The following SLC26A11 variants were observed in gnomAD, a reference collection of about 807,000 sequenced individuals.
SLC26A11 encodes the protein sodium-independent sulfate anion transporter.
Under a neutral mutation model 62.2 loss-of-function variants are expected in SLC26A11, and 58 were observed. The ratio of observed to expected loss-of-function variants is 0.93; its 90% CI spans 0.76 to 1.16. The LOEUF (loss-of-function observed/expected upper bound fraction) is 1.16, where lower values mean the gene tolerates loss of function less well. Among genes scored for constraint, SLC26A11 ranks in the 50% most tolerant of loss-of-function variants. The probability of loss-of-function intolerance (pLI) is 0.00; values close to 1 mark genes in which losing one functional copy is unlikely to be tolerated. For missense variants in SLC26A11, 790 were observed against 794.3 expected, an observed-to-expected ratio of 0.99 and a Z score of 0.06; for synonymous variants, 411 against 368.9, an observed-to-expected ratio of 1.11 and a Z score of -1.31.
At chr17:80,245,319 CAAG>C (rs2042966166) in intron 11 of SLC26A11, 63 bp downstream of exon 11, 1 of 1,556,510 alleles carries the variant, frequency 6.4e-7, no homozygotes, top group Non-Finnish European at 8.9e-7. Context: ...GTTACGCTGA[CAAG>C]GAGTCTGCCT....
rs745943087 is a variant in SLC26A11, at chr17:80,246,189, C to T, written c.1133C>T (p.Pro378Leu). The stretch of plus-strand genomic sequence containing the variant: ...AACGCTCAGTCGGGGGTGTGCACCC[C>T]GGCGGGGGGCCTGGTGACGGGTAAG... ...AVNAQSGVCT[P>L]AGGLVTGVLV... is the part of the protein sequence containing the mutation. The change falls in exon 12 of 18, where the codon CCG (proline) becomes CTG (leucine). Residue 378 changes from proline to leucine, a missense_variant. By Grantham distance (98) the Pro-to-Leu change is moderately conservative (BLOSUM62 -3). Transcript: ENST00000361193. The surrounding 1 kb of genome is among the most constrained non-coding windows in gnomAD (Gnocchi z 4.4). 5.5e-5 allele frequency: 89 copies of T among 1,612,314 alleles called. No homozygotes were observed. Among genetic ancestry groups the T allele is most frequent in the Non-Finnish European group, 6.9e-5 (81 of 1,179,724 alleles).
In SLC26A11 at chr17:80,222,889, A is replaced by G. The variant is rs1284330138; in HGVS notation, c.427+42A>G. The G allele has an allele frequency of 5.0e-6, 8 of 1,593,324 alleles. No homozygotes were observed. The highest frequency in any genetic ancestry group is 1.4e-5 in the African/African-American group (1 of 73,620). On this transcript the variant is annotated intron_variant, in intron 4 of 17. Transcript: ENST00000361193. This position sits in a 1 kb window ranked among gnomAD's most constrained non-coding sequence, Gnocchi z 4.7. ...TTGCCAAGGGGATGCCCTCGACCTC[A>G]GCATTTGCTTGTTTGCATTTCAAGT...
Position 80,228,763 on chromosome 17 carries a change from C to T in SLC26A11, c.736+803C>T, listed in dbSNP as rs180707215. 6.2e-4 allele frequency among the ~76,000 whole-genome samples: 94 copies of T among 152,314 alleles called. No homozygotes were observed. Among genetic ancestry groups the T allele is most frequent in the African/African-American group, 2.2e-3 (92 of 41,570 alleles). On this transcript the variant is annotated intron_variant, in intron 7 of 17. Coordinates refer to ENST00000361193, the MANE Select transcript of SLC26A11 (RefSeq NM_001166347.2). The surrounding 1 kb of genome is among the most constrained non-coding windows in gnomAD (Gnocchi z 4.1). ...GGTCCTGGGGAGACAGAACAAATTC[C>T]GGGGAGACCAACAGGCTCTGTTTGA...
intron 16 of SLC26A11, among the ~76,000 whole-genome samples, chr17:80,250,496 T>G (rs2043127254): frequency 1.3e-5 from 2 of 152,172 alleles, no homozygotes; most frequent in African/African-American, 4.8e-5. Context: ...TGTGTCATAT[T>G]TGCAGAGCAC....
intron 6 of SLC26A11, 129 bp from the exon 7 acceptor site, chr17:80,227,689 C>A (rs2042448032): frequency 7.5e-7 from 1 of 1,325,542 alleles, no homozygotes; most frequent in Non-Finnish European, 1.0e-6. Flanking sequence ...GGTCTGGGAC[C>A]AGCAGCCTGG....
chr17:80,225,758 G>A (rs936695402), intron 5 of SLC26A11, 79 bp from the exon 6 acceptor site: 1 of 1,252,864 alleles, frequency 8.0e-7, no homozygotes, highest in Non-Finnish European at 1.2e-6. Context: ...CAGCCCTAGG[G>A]GAGGTGGGCG....
chr17:80,245,560 T>G (rs2042972428), intron 11 of SLC26A11, among the ~76,000 whole-genome samples: 2 of 152,052 alleles, frequency 1.3e-5, no homozygotes, highest in Non-Finnish European at 2.9e-5. Context: ...GAGGCTGCAG[T>G]GAGTTGTGAC....
At chr17:80,236,671 G>A (rs1332316450) in intron 7 of SLC26A11, 1 of 442,754 alleles carries the variant, frequency 2.3e-6, no homozygotes, top group South Asian at 4.5e-5. Flanking sequence ...CGCGGTGCAC[G>A]ATGTCCAGTC....
chr17:80,234,905 A>C (rs1327943588), intron 7 of SLC26A11, among the ~76,000 whole-genome samples: 1 of 150,012 alleles, frequency 6.7e-6, no homozygotes, highest in Non-Finnish European at 1.5e-5. Context: ...GCTGGAGTGC[A>C]ATGGCGCGGT....
chr17:80,229,783 C>T (rs1387285280), intron 7 of SLC26A11, among the ~76,000 whole-genome samples: 2 of 152,196 alleles, frequency 1.3e-5, no homozygotes, highest in Non-Finnish European at 2.9e-5. Flanking sequence ...GGACCAGCAG[C>T]CTGGGCACTG....
chr17:80,240,521 G>A (rs1403507321), intron 9 of SLC26A11, among the ~76,000 whole-genome samples: 1 of 151,572 alleles, frequency 6.6e-6, no homozygotes, highest in Non-Finnish European at 1.5e-5. Flanking sequence ...TGTTTTTCTC[G>A]GCCGGGTGCA....
chr17:80,222,467 C>T lies in SLC26A11; in HGVS notation c.235-188C>T. On this transcript the variant is annotated intron_variant, in intron 3 of 17. Coordinates refer to ENST00000361193, the MANE Select transcript of SLC26A11 (RefSeq NM_001166347.2). This position sits in a 1 kb window ranked among gnomAD's most constrained non-coding sequence, Gnocchi z 4.7. ...GCCTGGCTGTCTGCACCCTGAGGCC[C>T]CAGTTGAGTGCTGCTAAAAAAGTGG... 1.7e-6 allele frequency: 1 copy of T among 601,050 alleles called. No homozygotes were observed. 37.2% of individuals were successfully genotyped at this position (601,050 alleles called of 1,614,324 possible). A position where few individuals can be genotyped will look rare whatever the true frequency, so the allele number is the denominator to read the frequency against.
intron 7 of SLC26A11, among the ~76,000 whole-genome samples, chr17:80,230,458 C>T (rs1036185331): frequency 1.3e-5 from 2 of 152,082 alleles, no homozygotes; most frequent in Admixed American, 6.6e-5. Context: ...CAGCCTTTAT[C>T]GAGATTTTCT....
chr17:80,223,224 A>G lies in SLC26A11; in HGVS notation c.428-28A>G. ...TCTGGGACTGGGTGGAGCCGGGACC[A>G]GCTCGATGTCCCCTCTTGGCTGGCC... On this transcript the variant is annotated intron_variant, in intron 4 of 17. Transcript: ENST00000361193. This position sits in a 1 kb window ranked among gnomAD's most constrained non-coding sequence, Gnocchi z 4.6. The G allele has an allele frequency of 6.2e-7, 1 of 1,602,438 alleles. No homozygotes were observed. The highest frequency in any genetic ancestry group is 8.6e-7 in the Non-Finnish European group (1 of 1,169,536).
chr17:80,249,035 C>T lies in SLC26A11; in HGVS notation c.1523-119C>T, dbSNP rs182015771. The T allele has an allele frequency of 1.5e-4, 195 of 1,293,876 alleles. 1 individual carries two copies. In the East Asian group the frequency reaches 2.7e-3, roughly 18 times the overall value. 80.1% of individuals were successfully genotyped at this position (1,293,876 alleles called of 1,614,324 possible). Reference sequence around the variant, plus strand: ...CCCCAACTGGGCGACTCAGCCGCCACGAGATGGAGCACTCTGGCCTCTCTG... The same window carrying T: ...CCCCAACTGGGCGACTCAGCCGCCATGAGATGGAGCACTCTGGCCTCTCTG... On this transcript the variant is annotated intron_variant, in intron 15 of 17. Coordinates refer to ENST00000361193, the MANE Select transcript of SLC26A11 (RefSeq NM_001166347.2).
intron 13 of SLC26A11, among the ~76,000 whole-genome samples, chr17:80,247,483 T>C (rs1273629550): frequency 6.6e-6 from 1 of 152,222 alleles, no homozygotes; most frequent in Non-Finnish European, 1.5e-5. Context: ...CATTTTGTTT[T>C]GTTTGTGGAA....
At position 80,228,453 on chromosome 17, in the gene SLC26A11, C is replaced by T. The variant is rs1056234816; in HGVS notation, c.736+493C>T. ...GACCCAAACTCTAGAACATTTAAAA[C>T]TCTGAGCCAAACTCGGTGGGTTCTG... On this transcript the variant is annotated intron_variant, in intron 7 of 17. Transcript: ENST00000361193. The surrounding 1 kb of genome is among the most constrained non-coding windows in gnomAD (Gnocchi z 4.1). Among the ~76,000 whole-genome samples, 2 of 152,216 alleles carry T rather than the reference C, an allele frequency of 1.3e-5. No homozygotes were observed. The highest frequency in any genetic ancestry group is 2.9e-5 in the Non-Finnish European group (2 of 68,038).
rs1555624668 is a variant in SLC26A11, at chr17:80,220,989, C to CG, written c.-140_-139insG. On this transcript the variant is annotated 5_prime_UTR_variant, in exon 2 of 18. Transcript: ENST00000361193. ...GAGGCGTGGCCTCAGGAGCGGAGGA[C>CG]CCCCCCACTCTCCCTCGAGCGCCGC... is the stretch of plus-strand genomic sequence containing the variant. 1.5e-5 allele frequency: 1 copy of CG among 68,452 alleles called. No individual in the cohort carries two copies. Among genetic ancestry groups the CG allele is most frequent in the Non-Finnish European group, 3.3e-5 (1 of 29,936 alleles). The allele number at this position is 68,452 out of a possible 1,614,324, so 4.2% of individuals were successfully genotyped here. A position where few individuals can be genotyped will look rare whatever the true frequency, so the allele number is the denominator to read the frequency against.
intron 7 of SLC26A11, among the ~76,000 whole-genome samples, chr17:80,234,173 T>G (rs1311124787): frequency 6.6e-6 from 1 of 151,984 alleles, no homozygotes; most frequent in Non-Finnish European, 1.5e-5. Context: ...CCCGGCTAAT[T>G]TTTGTACTTT....
Sources: gnomAD v4.1 joint callset for allele counts (sites outside exome capture counted in the v4.1 genomes callset) on GRCh38, gnomAD v4.1.1 for gene constraint, Gnocchi (gnomAD v3.1) non-coding constraint, MANE v1.5 for transcripts, NCBI Gene and HGNC (gene_info 2026-07-23, HGNC 2026-07-21) for gene names.